Variants in AFF3 observed in about 807,000 individuals in gnomAD.
AFF3 encodes AF4/FMR2 family member 3.
A neutral mutation model predicts 129.7 loss-of-function variants in AFF3; 32 were observed. The ratio of observed to expected loss-of-function variants is 0.25; its 90% confidence interval spans 0.19 to 0.33. AFF3 has a LOEUF of 0.33. Among genes scored for constraint, AFF3 ranks in the 10% least tolerant of loss-of-function variants. AFF3 has a pLI of 1.00. For synonymous variants in AFF3, 644 were observed against 635.4 expected, an observed-to-expected ratio of 1.01 and a Z score of -0.20; for missense variants, 1,373 against 1,592.0, an observed-to-expected ratio of 0.86 and a Z score of 2.34.
chr2:99,931,441 G>T (rs1696666056), intron 7 of AFF3, among the ~76,000 whole-genome samples: 1 of 152,234 alleles, frequency 6.6e-6, no homozygotes, highest in Non-Finnish European at 1.5e-5. Flanking sequence ...GATCGATATG[G>T]CTAGAAACAG....
Position 99,811,109 on chromosome 2 carries a change from C to T in AFF3, c.921+26368G>A, listed in dbSNP as rs569426341. Among the ~76,000 whole-genome samples, 32 of 152,340 alleles carry T rather than the reference C, an allele frequency of 2.1e-4. No individual in the cohort carries two copies. The South Asian group carries it at 4.6e-3, about 22-fold the overall frequency. On this transcript the variant is annotated intron_variant, in intron 8 of 24. Coordinates refer to ENST00000672756, the MANE Select transcript of AFF3 (RefSeq NM_001386135.1). Reference sequence around the variant, plus strand: ...TCTGCGGATTAGGACATGGGAGGGACGTGCTTTTCTGCCTACCACATGTGT... The same window carrying T: ...TCTGCGGATTAGGACATGGGAGGGATGTGCTTTTCTGCCTACCACATGTGT...
intron 10 of AFF3, among the ~76,000 whole-genome samples, chr2:99,732,117 G>A (rs1266532105): frequency 6.6e-6 from 1 of 152,112 alleles, no homozygotes; most frequent in Non-Finnish European, 1.5e-5. Flanking sequence ...CACTTTGGGA[G>A]GCTGAGGCAG....
chr2:99,786,972 C>T (rs1338105131), intron 8 of AFF3, among the ~76,000 whole-genome samples: 1 of 152,012 alleles, frequency 6.6e-6, no homozygotes, highest in Non-Finnish European at 1.5e-5. Context: ...CAGTCAAGCA[C>T]CAGGATCGGT....
intron 8 of AFF3, among the ~76,000 whole-genome samples, chr2:99,759,452 C>T (rs1374178297): frequency 6.6e-6 from 1 of 151,916 alleles, no homozygotes; most frequent in Non-Finnish European, 1.5e-5. Context: ...ATTTACTTAT[C>T]TTTGTGGAGA....
At chr2:99,935,099 G>A (rs576733817) in intron 7 of AFF3, among the ~76,000 whole-genome samples, 1 of 152,330 alleles carries the variant, frequency 6.6e-6, no homozygotes, top group African/African-American at 2.4e-5. Context: ...CTGAACATGG[G>A]AGGTCATCTA....
intron 8 of AFF3, among the ~76,000 whole-genome samples, chr2:99,816,730 G>A (rs924401349): frequency 3.9e-5 from 6 of 152,062 alleles, no homozygotes; most frequent in Non-Finnish European, 8.8e-5. Context: ...GCCTCAGGTA[G>A]GCACTCTGAA....
chr2:99,663,576 G>A (rs1575631607), intron 12 of AFF3, among the ~76,000 whole-genome samples: 1 of 152,194 alleles, frequency 6.6e-6, no homozygotes. Context: ...CATTGTGCAA[G>A]AAGTAAATTA....
At chr2:100,092,574 G>A (rs1267211005) in intron 4 of AFF3, among the ~76,000 whole-genome samples, 1 of 152,234 alleles carries the variant, frequency 6.6e-6, no homozygotes, top group Non-Finnish European at 1.5e-5. Context: ...GGCCCTCTGA[G>A]AGCTGCTCCC....
At chr2:99,920,160 C>T (rs1695756415) in intron 7 of AFF3, among the ~76,000 whole-genome samples, 1 of 151,996 alleles carries the variant, frequency 6.6e-6, no homozygotes, top group Admixed American at 6.6e-5. Flanking sequence ...TAATACCAAT[C>T]CCACACAGTG....
chr2:99,807,043 C>T (rs1210214465), intron 8 of AFF3, among the ~76,000 whole-genome samples: 2 of 152,166 alleles, frequency 1.3e-5, no homozygotes, highest in Admixed American at 6.5e-5. Context: ...CAGCCTAACC[C>T]CCCACATTCC....
intron 7 of AFF3, among the ~76,000 whole-genome samples, chr2:99,934,734 A>T (rs1674369619): frequency 6.6e-6 from 1 of 152,198 alleles, no homozygotes; most frequent in African/African-American, 2.4e-5. Context: ...CCCCCTGGGC[A>T]GGAGGACCGT....
chr2:99,989,503 A>G (rs1265741970), intron 7 of AFF3, among the ~76,000 whole-genome samples: 6 of 152,262 alleles, frequency 3.9e-5, no homozygotes, highest in Non-Finnish European at 8.8e-5. Flanking sequence ...TATATTTTTA[A>G]TATTTGTCAT....
At chr2:99,948,414 T>C (rs1469919241) in intron 7 of AFF3, among the ~76,000 whole-genome samples, 1 of 152,208 alleles carries the variant, frequency 6.6e-6, no homozygotes, top group Non-Finnish European at 1.5e-5. Context: ...TTACACGTTT[T>C]AATATCTGCA....
At chr2:99,871,882 T>C (rs1307270047) in intron 7 of AFF3, among the ~76,000 whole-genome samples, 1 of 152,052 alleles carries the variant, frequency 6.6e-6, no homozygotes, top group Non-Finnish European at 1.5e-5. Context: ...TGTACATGCA[T>C]CCTGCCCTCC....
intron 2 of AFF3, 181 bp from the exon 3 acceptor site, chr2:100,105,764 C>A (rs1265874112): frequency 7.3e-7 from 1 of 1,360,850 alleles, no homozygotes; most frequent in South Asian, 1.2e-5. Flanking sequence ...CTCCAAGGCC[C>A]CCTGACTCTC....
intron 7 of AFF3, among the ~76,000 whole-genome samples, chr2:99,946,744 G>A (rs956109934): frequency 3.3e-5 from 5 of 152,180 alleles, no homozygotes; most frequent in Non-Finnish European, 7.3e-5. Context: ...GTCTGTTGGA[G>A]GAAACAACAG....
intron 2 of AFF3, among the ~76,000 whole-genome samples, chr2:100,112,079 G>C (rs955956805): frequency 2.6e-5 from 4 of 152,222 alleles, no homozygotes; most frequent in Admixed American, 6.5e-5. Context: ...GCTCAGCTTT[G>C]CTGAACTCCT....
intron 18 of AFF3, among the ~76,000 whole-genome samples, chr2:99,576,215 T>C (rs971986797): frequency 1.3e-5 from 2 of 151,814 alleles, no homozygotes; most frequent in South Asian, 2.1e-4. Context: ...GTATTTTTAG[T>C]AGAGACAAGA....
intron 4 of AFF3, among the ~76,000 whole-genome samples, chr2:100,016,688 G>T (rs867079974): frequency 6.7e-6 from 1 of 148,464 alleles, no homozygotes. Flanking sequence ...TGGCAGTGAT[G>T]GTGGTGGTGG....
Sources: gnomAD v4.1 joint callset for allele counts (sites outside exome capture counted in the v4.1 genomes callset) on GRCh38, gnomAD v4.1.1 for gene constraint, MANE v1.5 for transcripts, NCBI Gene and HGNC (gene_info 2026-07-23, HGNC 2026-07-21) for gene names.